Variants in GPHN observed in about 807,000 individuals in gnomAD.
GPHN encodes gephyrin.
In GPHN, 17 loss-of-function variants were observed where a neutral mutation model predicts 95.5. The ratio of observed to expected loss-of-function variants is 0.18; its 90% CI spans 0.12 to 0.27. The LOEUF is 0.27. GPHN is among the 10% of genes least tolerant of loss of function. The pLI is 1.00. For synonymous variants in GPHN, 320 were observed against 322.5 expected (o/e 0.99, Z 0.08); for missense variants, 660 against 978.1 (o/e 0.67, Z 4.34).
intron 10 of GPHN, among the ~76,000 whole-genome samples, chr14:67,025,342 T>G (rs975699752): frequency 1.3e-5 from 2 of 152,166 alleles, no homozygotes; most frequent in African/African-American, 4.8e-5. Context: ...AGTAAGTATT[T>G]TGCAAGCTGG....
chr14:67,091,783 A>T (rs904468539), intron 12 of GPHN, among the ~76,000 whole-genome samples: 2 of 151,534 alleles, frequency 1.3e-5, no homozygotes, highest in Non-Finnish European at 2.9e-5. Flanking sequence ...TCATCAAAAA[A>T]TTTTTATGTA....
rs759076405 is a variant in GPHN, at chr14:67,181,446, G to A, written c.*509G>A. On this transcript the variant is annotated 3_prime_UTR_variant, in exon 23 of 23. Coordinates refer to ENST00000478722, the MANE Select transcript of GPHN (RefSeq NM_020806.5). ...GCCAAAAGAAGACTGACTGGGTGGAGGCTCTGCCTTGCCTCAAGAACCATC... is the reference window on the plus strand; with the variant it reads ...GCCAAAAGAAGACTGACTGGGTGGAAGCTCTGCCTTGCCTCAAGAACCATC... The A allele has an allele frequency of 5.4e-5, 28 of 516,244 alleles. No individual in the cohort carries two copies. Among genetic ancestry groups the A allele is most frequent in the South Asian group, 4.4e-4 (28 of 63,976 alleles). The allele number at this position is 516,244 out of a possible 1,614,324, so 32.0% of individuals were successfully genotyped here.
intron 1 of GPHN, among the ~76,000 whole-genome samples, chr14:66,632,447 C>T (rs1480832623): frequency 6.6e-6 from 1 of 150,938 alleles, no homozygotes; most frequent in South Asian, 2.1e-4. Flanking sequence ...GGTTGACTTC[C>T]TTACAGATTT....
At chr14:66,989,950 C>G (rs1357011942) in intron 9 of GPHN, among the ~76,000 whole-genome samples, 1 of 152,082 alleles carries the variant, frequency 6.6e-6, no homozygotes, top group Non-Finnish European at 1.5e-5. Flanking sequence ...TGTACACACA[C>G]AAGAACAAGT....
In GPHN at chr14:66,764,594, A is replaced by G. The variant is rs558815033; in HGVS notation, c.144-11870A>G. On this transcript the variant is annotated intron_variant, in intron 2 of 22. Coordinates refer to ENST00000478722, the MANE Select transcript of GPHN (RefSeq NM_020806.5). ...GATTTTATGCTTTTAATTTTCACAC[A>G]GTATTCTGAGATAAATCCAGAGAAG... Among the ~76,000 whole-genome samples, 32 of 152,338 alleles carry G rather than the reference A, an allele frequency of 2.1e-4. 1 individual carries two copies. The highest frequency in any genetic ancestry group is 1.4e-3 in the Admixed American group (22 of 15,300).
At chr14:66,809,343 A>G (rs1011606812) in intron 3 of GPHN, among the ~76,000 whole-genome samples, 1 of 152,118 alleles carries the variant, frequency 6.6e-6, no homozygotes, top group Non-Finnish European at 1.5e-5. Flanking sequence ...TATCTTAACC[A>G]TTCAGAGTTT....
chr14:67,342,090 T>TG, the GPHN span, among the ~76,000 whole-genome samples: 1 of 151,984 alleles, frequency 6.6e-6, no homozygotes, highest in South Asian at 2.1e-4. Context: ...CAGAGACCTT[T>TG]GTTCACTTGT....
the GPHN span, chr14:67,208,110 GAA>G: frequency 6.5e-7 from 1 of 1,532,988 alleles, no homozygotes; most frequent in South Asian, 1.3e-5. Context: ...GACGATGAAT[GAA>G]ATGGTGCCTG....
the GPHN span, chr14:67,587,585 A>T: frequency 3.4e-6 from 1 of 291,364 alleles, no homozygotes; most frequent in South Asian, 3.4e-5. Flanking sequence ...CAAGGAAGCT[A>T]ATTTTCTTTC....
the GPHN span, among the ~76,000 whole-genome samples, chr14:67,528,342 C>A: frequency 4.6e-5 from 7 of 152,280 alleles, no homozygotes; most frequent in East Asian, 1.4e-3. Flanking sequence ...GGGTCACTGG[C>A]AGCTCTCTGA....
chr14:67,304,548 C>T, the GPHN span, among the ~76,000 whole-genome samples: 11 of 152,248 alleles, frequency 7.2e-5, no homozygotes, highest in South Asian at 2.1e-4. Flanking sequence ...CACAAAAGGC[C>T]ATATATTGGT....
At chr14:66,545,260 C>G (rs1474336791) in intron 1 of GPHN, among the ~76,000 whole-genome samples, 1 of 145,096 alleles carries the variant, frequency 6.9e-6, no homozygotes, top group African/African-American at 2.6e-5. Flanking sequence ...CAGAGGGGCT[C>G]CTCACTTCCC....
intron 10 of GPHN, among the ~76,000 whole-genome samples, chr14:67,046,825 C>T (rs1015449049): frequency 6.6e-6 from 1 of 152,192 alleles, no homozygotes; most frequent in Non-Finnish European, 1.5e-5. Flanking sequence ...CTACCATTGC[C>T]AGTGTTTCCC....
chr14:66,848,538 A>G (rs2062435834), intron 4 of GPHN, among the ~76,000 whole-genome samples: 1 of 152,080 alleles, frequency 6.6e-6, no homozygotes, highest in African/African-American at 2.4e-5. Flanking sequence ...TGGTTTTCAA[A>G]TTTCTCGTTA....
At chr14:66,641,106 T>G (rs2064376338) in intron 1 of GPHN, among the ~76,000 whole-genome samples, 1 of 152,210 alleles carries the variant, frequency 6.6e-6, no homozygotes, top group Non-Finnish European at 1.5e-5. Flanking sequence ...CTATATCCAA[T>G]AAGGTAGACT....
the GPHN span, among the ~76,000 whole-genome samples, chr14:67,313,115 G>A: frequency 2.6e-5 from 4 of 152,096 alleles, no homozygotes; most frequent in Non-Finnish European, 5.9e-5. Context: ...AGAATTTATT[G>A]TACCAAACGT....
chr14:67,654,002 C>T, the GPHN span, among the ~76,000 whole-genome samples: 1 of 152,158 alleles, frequency 6.6e-6, no homozygotes, highest in Non-Finnish European at 1.5e-5. Context: ...CAACTGCTTG[C>T]TACTAATCTG....
intron 18 of GPHN, among the ~76,000 whole-genome samples, chr14:67,145,685 C>T (rs531605468): frequency 1.3e-5 from 2 of 152,178 alleles, no homozygotes; most frequent in African/African-American, 4.8e-5. Context: ...TTTAGGGTAC[C>T]TCCATAGTAG....
At chr14:67,188,166 A>G in the GPHN span, among the ~76,000 whole-genome samples, 1 of 152,196 alleles carries the variant, frequency 6.6e-6, no homozygotes, top group African/African-American at 2.4e-5. Context: ...CTCATGAGGG[A>G]CAAAGAGGGC....
Sources: allele counts gnomAD v4.1 joint callset (sites outside exome capture counted in the v4.1 genomes callset), GRCh38; gene constraint gnomAD v4.1.1; transcripts MANE v1.5; gene names NCBI Gene and HGNC (gene_info 2026-07-23, HGNC 2026-07-21).